The following SIPA1L2 variants were observed in gnomAD, a reference collection of about 807,000 sequenced individuals.
SIPA1L2 encodes signal-induced proliferation-associated 1-like protein 2.
A neutral mutation model predicts 163.9 loss-of-function variants in SIPA1L2; 56 were observed. That is an observed-to-expected ratio of 0.34 (90% CI 0.28 to 0.43). The LOEUF is 0.43. Ranked by LOEUF, SIPA1L2 falls within the 20% of genes least tolerant of loss-of-function variation. SIPA1L2 has a pLI of 1.00. For missense variants in SIPA1L2, 1,974 were observed against 2,193.5 expected (o/e 0.90, Z 2.00); for synonymous variants, 877 against 865.7 (o/e 1.01, Z -0.23).
chr1:232,431,183 T>C (rs1374787668), intron 16 of SIPA1L2, among the ~76,000 whole-genome samples: 2 of 152,204 alleles, frequency 1.3e-5, no homozygotes, highest in Non-Finnish European at 2.9e-5. Context: ...TTGGAATGAA[T>C]TCCCGTGAAG....
intron 1 of SIPA1L2, among the ~76,000 whole-genome samples, chr1:232,589,080 T>C (rs61825456): frequency 6.6e-6 from 1 of 152,074 alleles, no homozygotes; most frequent in Non-Finnish European, 1.5e-5. Flanking sequence ...AAAGAAACAT[T>C]TAGGTGGCAG....
chr1:232,449,505 G>A (rs569291790), intron 10 of SIPA1L2, among the ~76,000 whole-genome samples: 502 of 132,816 alleles, frequency 3.8e-3, no homozygotes, highest in Non-Finnish European at 5.8e-3. Context: ...GCAAAATAGC[G>A]AGACTCCGTC....
intron 3 of SIPA1L2, among the ~76,000 whole-genome samples, chr1:232,499,657 T>C (rs1666366060): frequency 6.6e-6 from 1 of 152,198 alleles, no homozygotes; most frequent in Non-Finnish European, 1.5e-5. Flanking sequence ...CAGCAAGTTA[T>C]TTAGGTAAGA....
intron 19 of SIPA1L2, among the ~76,000 whole-genome samples, chr1:232,408,163 A>G (rs1660748036): frequency 6.6e-6 from 1 of 152,182 alleles, no homozygotes. Context: ...AACAAACAAA[A>G]TAACTGCATA....
At position 232,465,495 on chromosome 1, in the gene SIPA1L2, T is replaced by TACACACACACACATATACATAAAC; in HGVS notation, c.2244-80_2244-79insGTTTATGTATATGTGTGTGTGTGT. On this transcript the variant is annotated intron_variant, in intron 8 of 22. Coordinates refer to ENST00000674635, the MANE Select transcript of SIPA1L2 (RefSeq NM_020808.5). This position sits in a 1 kb window ranked among gnomAD's most constrained non-coding sequence, Gnocchi z 4.1. ...TATCTTTCCGAATTTGACATATATA[T>TACACACACACACATATACATAAAC]ACACACACACACACATATACATACA... The TACACACACACACATATACATAAAC allele has an allele frequency of 2.8e-6, 3 of 1,065,652 alleles. No individual in the cohort carries two copies. In the East Asian group the frequency reaches 7.7e-5, roughly 27 times the overall value. 66.0% of individuals were successfully genotyped at this position (1,065,652 alleles called of 1,614,324 possible).
intron 10 of SIPA1L2, among the ~76,000 whole-genome samples, chr1:232,447,251 A>C (rs1333588422): frequency 6.6e-6 from 1 of 152,204 alleles, no homozygotes; most frequent in East Asian, 1.9e-4. Flanking sequence ...TACTCCTTTT[A>C]ATATGGCTAC....
intron 16 of SIPA1L2, among the ~76,000 whole-genome samples, chr1:232,431,728 G>A (rs1315944373): frequency 1.3e-5 from 2 of 152,200 alleles, no homozygotes; most frequent in African/African-American, 4.8e-5. Context: ...TTGTAAGATG[G>A]GTTATCAGTA....
chr1:232,485,182 G>T (rs1665584746), intron 5 of SIPA1L2, among the ~76,000 whole-genome samples: 1 of 152,188 alleles, frequency 6.6e-6, no homozygotes, highest in South Asian at 2.1e-4. Context: ...TAAGTGCTAT[G>T]AGAAGGCTAT....
rs149461002 is a variant in SIPA1L2 at position 232,513,843 on chromosome 1, T to C, written c.1483+14A>G. The C allele has an allele frequency of 8.8e-4, 1,359 of 1,544,728 alleles. 15 individuals are homozygous for C. In the East Asian group the frequency reaches 0.017, roughly 20 times the overall value. On this transcript the variant is annotated intron_variant, in intron 3 of 22. Transcript: ENST00000674635. ...CTCCCGAGACACATGCAAACGCCCA[T>C]GGCTCTTCCTTACCTTTCCCATAGA...
chr1:232,580,169 T>A (rs1314061691), intron 1 of SIPA1L2, among the ~76,000 whole-genome samples: 2 of 152,200 alleles, frequency 1.3e-5, no homozygotes, highest in Non-Finnish European at 2.9e-5. Flanking sequence ...CCTCCCCTTT[T>A]TAGACTAAAT....
intron 15 of SIPA1L2, among the ~76,000 whole-genome samples, chr1:232,434,856 ACT>A (rs1662459252): frequency 6.6e-6 from 1 of 152,050 alleles, no homozygotes; most frequent in Non-Finnish European, 1.5e-5. Context: ...ACATCATCAT[ACT>A]CCTATATTTC....
At chr1:232,516,631 T>C (rs1228257071) in intron 2 of SIPA1L2, among the ~76,000 whole-genome samples, 1 of 130,916 alleles carries the variant, frequency 7.6e-6, no homozygotes, top group Non-Finnish European at 1.5e-5. Flanking sequence ...CATCCCTAAA[T>C]TTTTTTTTTT....
intron 1 of SIPA1L2, among the ~76,000 whole-genome samples, chr1:232,585,513 T>A (rs1321981797): frequency 6.6e-6 from 1 of 152,160 alleles, no homozygotes; most frequent in Admixed American, 6.5e-5. Context: ...CCAAAGAGAA[T>A]AATTTTCTTC....
At chr1:232,480,182 T>C (rs1007178644) in intron 6 of SIPA1L2, among the ~76,000 whole-genome samples, 1 of 139,456 alleles carries the variant, frequency 7.2e-6, no homozygotes, top group Non-Finnish European at 1.6e-5. Context: ...TGTGTGTGTG[T>C]GTGTGTGTGT....
At chr1:232,403,288 C>A (rs1302560351) in intron 21 of SIPA1L2, among the ~76,000 whole-genome samples, 160 bp downstream of exon 21, 1 of 152,182 alleles carries the variant, frequency 6.6e-6, no homozygotes, top group Non-Finnish European at 1.5e-5. Flanking sequence ...GGGCAGGGAG[C>A]CAAGTAGTCC....
chr1:232,450,941 CAGAA>C (rs1394029153), intron 10 of SIPA1L2, among the ~76,000 whole-genome samples: 2 of 152,136 alleles, frequency 1.3e-5, no homozygotes, highest in African/African-American at 2.4e-5. Context: ...CAACCTTGTG[CAGAA>C]AGTCATATAG....
intron 2 of SIPA1L2, among the ~76,000 whole-genome samples, chr1:232,520,807 A>AATC (rs2103059361): frequency 6.6e-6 from 1 of 152,200 alleles, no homozygotes; most frequent in East Asian, 1.9e-4. Flanking sequence ...CCAAGAAGAC[A>AATC]ATCAATGAGC....
At chr1:232,522,015 C>T (rs1447138157) in intron 2 of SIPA1L2, among the ~76,000 whole-genome samples, 1 of 152,148 alleles carries the variant, frequency 6.6e-6, no homozygotes, top group Non-Finnish European at 1.5e-5. Flanking sequence ...ACCAACCACT[C>T]AGGTGCCCAA....
Position 232,428,679 on chromosome 1 carries a change from G to T in SIPA1L2, c.4257-115C>A, listed in dbSNP as rs1285867578. 1.5e-5 allele frequency: 11 copies of T among 709,956 alleles called. No homozygotes were observed. The South Asian group carries it at 4.2e-4, about 27-fold the overall frequency. The allele number at this position is 709,956 out of a possible 1,614,324, so 44.0% of individuals were successfully genotyped here. A position where few individuals can be genotyped will look rare whatever the true frequency, so the allele number is the denominator to read the frequency against. ...CACAAACGCATACAAACACTTCTTA[G>T]GTCTTAAGTCAGTTCACTTTTGCTG... On this transcript the variant is annotated intron_variant, in intron 16 of 22. Coordinates refer to ENST00000674635, the MANE Select transcript of SIPA1L2 (RefSeq NM_020808.5).
Sources: allele counts gnomAD v4.1 joint callset (sites outside exome capture counted in the v4.1 genomes callset), GRCh38; gene constraint gnomAD v4.1.1; non-coding constraint Gnocchi (gnomAD v3.1); transcripts MANE v1.5; gene names NCBI Gene and HGNC (gene_info 2026-07-23, HGNC 2026-07-21).